The following SCRN1 variants were observed in gnomAD, a reference collection of about 807,000 sequenced individuals.
SCRN1 encodes the protein secernin 1.
SCRN1 carries 19 observed loss-of-function variants against 43.3 expected under a neutral mutation model. That is an observed-to-expected ratio of 0.44 (90% CI 0.31 to 0.64). The LOEUF (loss-of-function observed/expected upper bound fraction) is 0.64, where lower values mean the gene tolerates loss of function less well. Among genes scored for constraint, SCRN1 ranks in the 30% least tolerant of loss-of-function variants. The pLI is 0.09. For synonymous variants in SCRN1, 183 were observed against 188.9 expected, an observed-to-expected ratio of 0.97 and a Z score of 0.26; for missense variants, 447 against 524.1, an observed-to-expected ratio of 0.85 and a Z score of 1.44.
chr7:29,978,940 G>A (rs937560274), intron 1 of SCRN1, among the ~76,000 whole-genome samples: 4 of 152,190 alleles, frequency 2.6e-5, no homozygotes, highest in East Asian at 1.9e-4. Flanking sequence ...AGAGTTCAAC[G>A]GAATGTTGTG....
At chr7:29,925,977 C>T (rs1786937961) in intron 7 of SCRN1, among the ~76,000 whole-genome samples, 1 of 151,734 alleles carries the variant, frequency 6.6e-6, no homozygotes, top group Admixed American at 6.6e-5. Flanking sequence ...ATGTATAGTT[C>T]AGTGCATTAA....
intron 3 of SCRN1, among the ~76,000 whole-genome samples, chr7:29,953,940 G>C (rs2128093639): frequency 6.6e-6 from 1 of 152,146 alleles, no homozygotes; most frequent in Middle Eastern, 3.4e-3. Context: ...GATGTAACTT[G>C]GTACATCCAC....
intron 3 of SCRN1, among the ~76,000 whole-genome samples, chr7:29,947,777 G>T (rs1787782338): frequency 6.6e-6 from 1 of 152,236 alleles, no homozygotes; most frequent in Non-Finnish European, 1.5e-5. Context: ...GGGCCTTTGG[G>T]AGGTGATGAG....
intron 2 of SCRN1, among the ~76,000 whole-genome samples, chr7:29,967,174 AACACAC>A (rs142917231): frequency 1.8e-4 from 26 of 148,352 alleles, no homozygotes; most frequent in African/African-American, 5.2e-4. Context: ...CTACCATCTA[AACACAC>A]ACACACACAC....
intron 1 of SCRN1, chr7:29,969,418 C>G: frequency 3.0e-6 from 1 of 331,054 alleles, no homozygotes; most frequent in Admixed American, 4.1e-5. Context: ...AATCTGTTCA[C>G]AGTAATAAAA....
At chr7:29,929,742 G>T (rs1190129514) in intron 6 of SCRN1, among the ~76,000 whole-genome samples, 1 of 152,214 alleles carries the variant, frequency 6.6e-6, no homozygotes. Flanking sequence ...GTCCCTTCTA[G>T]CTTCTACAAC....
At chr7:29,986,150 C>T (rs1789144193) in intron 1 of SCRN1, among the ~76,000 whole-genome samples, 2 of 152,186 alleles carry the variant, frequency 1.3e-5, no homozygotes, top group South Asian at 2.1e-4. Context: ...GCAGGAGAAT[C>T]GCTTGAACCC....
chr7:29,952,560 T>C (rs566689976), intron 3 of SCRN1, among the ~76,000 whole-genome samples: 1 of 151,828 alleles, frequency 6.6e-6, no homozygotes, highest in East Asian at 1.9e-4. Context: ...TGTGGTGGCA[T>C]ACACCTGTAA....
intron 1 of SCRN1, among the ~76,000 whole-genome samples, chr7:29,973,906 G>T (rs914192328): frequency 1.3e-5 from 2 of 152,152 alleles, no homozygotes; most frequent in African/African-American, 2.4e-5. Context: ...GAAAATGTCT[G>T]CTACATCTAT....
chr7:29,949,380 C>CTTT (rs796277151), intron 3 of SCRN1, among the ~76,000 whole-genome samples: 1 of 135,616 alleles, frequency 7.4e-6, no homozygotes, highest in African/African-American at 2.7e-5. Flanking sequence ...TTCCTTCACT[C>CTTT]TTTTTTTTTT....
rs146090450 is a variant in SCRN1 at position 29,979,060 on chromosome 7, A to G, written c.-1-9992T>C. Among the ~76,000 whole-genome samples the G allele has an allele frequency of 2.9e-4, 44 of 152,288 alleles. No homozygotes were observed. In the East Asian group the frequency reaches 7.7e-3, roughly 27 times the overall value. ...AAATATTTTTATATGATGTTTCCCAATTTTTTTATGTCAAAAATTTTCCGC... is the reference window on the plus strand; with the variant it reads ...AAATATTTTTATATGATGTTTCCCAGTTTTTTTATGTCAAAAATTTTCCGC... On this transcript the variant is annotated intron_variant, in intron 1 of 7. Transcript: ENST00000242059.
chr7:29,974,293 T>A (rs183181847), intron 1 of SCRN1, among the ~76,000 whole-genome samples: 1 of 152,242 alleles, frequency 6.6e-6, no homozygotes, highest in South Asian at 2.1e-4. Context: ...AATTCTTATA[T>A]GAGTTATAGC....
intron 6 of SCRN1, among the ~76,000 whole-genome samples, chr7:29,931,694 T>C (rs1787160075): frequency 6.6e-6 from 1 of 152,212 alleles, no homozygotes; most frequent in Non-Finnish European, 1.5e-5. Context: ...GCAGAAACTC[T>C]CCAAGCAACA....
chr7:29,983,088 C>T (rs1052335502), intron 1 of SCRN1, among the ~76,000 whole-genome samples: 1 of 151,986 alleles, frequency 6.6e-6, no homozygotes, highest in African/African-American at 2.4e-5. Flanking sequence ...CCGCCCACCT[C>T]GGCCTCCCAA....
chr7:29,947,373 T>C, intron 3 of SCRN1: 1 of 1,536,858 alleles, frequency 6.5e-7, no homozygotes, highest in Non-Finnish European at 8.8e-7. Flanking sequence ...AGCCCGTTTG[T>C]TTAGAAACTC....
At chr7:29,963,966 T>C (rs773916628) in intron 2 of SCRN1, among the ~76,000 whole-genome samples, 1 of 152,176 alleles carries the variant, frequency 6.6e-6, no homozygotes, top group Non-Finnish European at 1.5e-5. Context: ...CACAAAACAA[T>C]AGAAAATAAG....
intron 6 of SCRN1, among the ~76,000 whole-genome samples, chr7:29,930,037 A>C (rs566324720): frequency 6.6e-6 from 1 of 152,358 alleles, no homozygotes; most frequent in African/African-American, 2.4e-5. Flanking sequence ...AAATATGAGG[A>C]GGTTCCCAAA....
chr7:29,979,160 C>T (rs368851002), intron 1 of SCRN1, among the ~76,000 whole-genome samples: 29 of 151,992 alleles, frequency 1.9e-4, no homozygotes, highest in African/African-American at 4.6e-4. Flanking sequence ...GTCAGGAGTT[C>T]GAGACCAGCC....
Position 29,921,386 on chromosome 7 carries a change from C to T in SCRN1, c.*2571G>A, listed in dbSNP as rs1786751845. 6.6e-6 allele frequency: 1 copy of T among 152,182 alleles called. No homozygotes were observed. The allele number at this position is 152,182 out of a possible 1,614,324, so 9.4% of individuals were successfully genotyped here. The stretch of plus-strand genomic sequence containing the variant: ...TCTGTTAGGAACATTTAAAAATGAA[C>T]ATTCCTCACTATAACAGCCTGCTCA... On this transcript the variant is annotated 3_prime_UTR_variant, in exon 8 of 8. Coordinates refer to ENST00000242059, the MANE Select transcript of SCRN1 (RefSeq NM_014766.5).
Sources: allele counts gnomAD v4.1 joint callset (sites outside exome capture counted in the v4.1 genomes callset), GRCh38; gene constraint gnomAD v4.1.1; transcripts MANE v1.5; gene names NCBI Gene and HGNC (gene_info 2026-07-23, HGNC 2026-07-21).